The following PPIL3 variants were observed in gnomAD, a reference collection of about 807,000 sequenced individuals.
PPIL3 encodes peptidyl-prolyl cis-trans isomerase-like 3.
In PPIL3, 13 loss-of-function variants were observed where a neutral mutation model predicts 20.9. The ratio of observed to expected loss-of-function variants is 0.62; its 90% CI spans 0.40 to 0.99. PPIL3 has a LOEUF of 0.99. Ranked by LOEUF, PPIL3 falls within the 50% of genes least tolerant of loss-of-function variation. PPIL3 has a pLI of 0.00. For synonymous variants in PPIL3, 71 were observed against 64.4 expected, an observed-to-expected ratio of 1.10 and a Z score of -0.49; for missense variants, 170 against 195.2, an observed-to-expected ratio of 0.87 and a Z score of 0.77.
intron 6 of PPIL3, among the ~76,000 whole-genome samples, chr2:200,873,699 C>G (rs183065473): frequency 8.9e-4 from 135 of 151,422 alleles, no homozygotes; most frequent in Non-Finnish European, 1.6e-3. Context: ...ATCTCTTGAC[C>G]TCGTGATCTG....
At chr2:200,872,621 A>G (rs1275771327) in intron 6 of PPIL3, among the ~76,000 whole-genome samples, 2 of 152,128 alleles carry the variant, frequency 1.3e-5, no homozygotes, top group Non-Finnish European at 2.9e-5. Context: ...AAACTCAGGT[A>G]TGGTTGAATG....
chr2:200,873,763 G>GCTTTTCTTTTTTTCTATCTTTTTTTTT (rs2039402162), intron 6 of PPIL3, among the ~76,000 whole-genome samples: 1 of 151,772 alleles, frequency 6.6e-6, no homozygotes. Context: ...ACTGCACCTG[G>GCTTTTCTTTTTTTCTATCTTTTTTTTT]TCATCTGACT....
chr2:200,874,326 A>G (rs984137732), intron 6 of PPIL3, among the ~76,000 whole-genome samples: 2 of 152,132 alleles, frequency 1.3e-5, no homozygotes, highest in Admixed American at 1.3e-4. Flanking sequence ...TCTTTAAATT[A>G]TAAGTCTTAA....
chr2:200,878,368 T>C (rs1269689455), intron 5 of PPIL3, among the ~76,000 whole-genome samples: 1 of 151,526 alleles, frequency 6.6e-6, no homozygotes, highest in Non-Finnish European at 1.5e-5. Context: ...ACTATTCTAA[T>C]ACCTTTTTTT....
At chr2:200,882,304 A>G (rs2039762859) in intron 4 of PPIL3, 38 bp downstream of exon 4, 2 of 1,299,198 alleles carry the variant, frequency 1.5e-6, no homozygotes, top group East Asian at 2.3e-5. Context: ...CATACTATAC[A>G]TTCAGTTCCT....
chr2:200,873,696 G>C (rs192357080), intron 6 of PPIL3, among the ~76,000 whole-genome samples: 38 of 148,748 alleles, frequency 2.6e-4, no homozygotes, highest in Admixed American at 2.1e-3. Context: ...TTGATCTCTT[G>C]ACCTCGTGAT....
chr2:200,886,575 G>A (rs2039945052), intron 2 of PPIL3, among the ~76,000 whole-genome samples: 1 of 152,052 alleles, frequency 6.6e-6, no homozygotes, highest in South Asian at 2.1e-4. Flanking sequence ...ACTGGGATAT[G>A]CCACAACACC....
At chr2:200,889,146 C>A, upstream of PPIL3, 1 of 426,086 alleles carries the variant, frequency 2.3e-6, no homozygotes. Context: ...TATCTCAAAC[C>A]AAAACGACAA....
Position 200,887,697 on chromosome 2 carries a change from A to G in PPIL3, c.-70-12T>C. ...TCAAAAATAAGTCTCTAGTCCCAAAAGAAAAAAAGAATTAGGCTCATTTTC... is the reference window on the plus strand; with the variant it reads ...TCAAAAATAAGTCTCTAGTCCCAAAGGAAAAAAAGAATTAGGCTCATTTTC... On this transcript the variant is annotated splice_polypyrimidine_tract_variant and intron_variant, in intron 1 of 6. Transcript: ENST00000392283. 8.7e-7 allele frequency: 1 copy of G among 1,155,810 alleles called. No homozygotes were observed. Among genetic ancestry groups the G allele is most frequent in the Admixed American group, 2.2e-5 (1 of 44,568 alleles). 71.6% of individuals were successfully genotyped at this position (1,155,810 alleles called of 1,614,324 possible). A position where few individuals can be genotyped will look rare whatever the true frequency, so the allele number is the denominator to read the frequency against.
chr2:200,879,123 T>C (rs1345318071), intron 5 of PPIL3, among the ~76,000 whole-genome samples: 1 of 151,956 alleles, frequency 6.6e-6, no homozygotes, highest in East Asian at 1.9e-4. Flanking sequence ...AATATAATGG[T>C]TCTTTTTTTT....
At chr2:200,872,057 T>C (rs975630516) in intron 6 of PPIL3, among the ~76,000 whole-genome samples, 7 of 152,134 alleles carry the variant, frequency 4.6e-5, no homozygotes, top group Non-Finnish European at 8.8e-5. Flanking sequence ...GAGACCCCGG[T>C]TAATCCCACA....
At chr2:200,886,428 C>CCTTTTTTTTTTTTTTTTTTTTTTTTT (rs1183623683) in intron 2 of PPIL3, among the ~76,000 whole-genome samples, 1 of 150,824 alleles carries the variant, frequency 6.6e-6, no homozygotes. Flanking sequence ...TTTCATTTCT[C>CCTTTTTTTTTTTTTTTTTTTTTTTTT]CTTTTTTTTT....
chr2:200,888,037 A>T (rs1233954334), intron 1 of PPIL3, among the ~76,000 whole-genome samples: 78 of 143,984 alleles, frequency 5.4e-4, no homozygotes, highest in Middle Eastern at 3.5e-3. Flanking sequence ...AGCCTGGGTG[A>T]CAGCGCGAGA....
intron 6 of PPIL3, among the ~76,000 whole-genome samples, chr2:200,873,439 G>A (rs377371344): frequency 1.5e-4 from 23 of 150,890 alleles, no homozygotes; most frequent in Non-Finnish European, 2.8e-4. Flanking sequence ...ATCTGCCCAC[G>A]TCAGCCTCCC....
intron 1 of PPIL3, 41 bp from the exon 2 acceptor site, chr2:200,887,726 T>C: frequency 2.3e-6 from 2 of 886,766 alleles, no homozygotes; most frequent in South Asian, 3.2e-5. Context: ...CATTTTCCTG[T>C]CTTAACTCAC....
At chr2:200,875,480 A>C (rs138313257) in intron 6 of PPIL3, among the ~76,000 whole-genome samples, 4,850 of 152,050 alleles carry the variant, frequency 0.032, 187 homozygotes, top group African/African-American at 0.093. Context: ...GTTGGCCTGG[A>C]TGGTCTTGAT....
intron 3 of PPIL3, among the ~76,000 whole-genome samples, chr2:200,883,850 C>T (rs2039827752): frequency 6.6e-6 from 1 of 152,130 alleles, no homozygotes; most frequent in Non-Finnish European, 1.5e-5. Context: ...ACAGTCTTGA[C>T]CTCCTAGGCT....
chr2:200,885,145 T>G, intron 3 of PPIL3: 1 of 162,462 alleles, frequency 6.2e-6, no homozygotes, highest in East Asian at 1.7e-4. Context: ...CTGAGGTGCA[T>G]GGATCACCTG....
chr2:200,882,372 C>T lies in PPIL3; in HGVS notation c.142G>A (p.Gly48Ser). Residue 48 changes from glycine (G) to serine (S), a missense_variant, in exon 4 of 7, where the codon GGT becomes AGT. Physicochemically the swap from Gly to Ser is moderately conservative, Grantham distance 56. Transcript: ENST00000392283. ...GGATCTCCTGTTTGAACCATGAAAC[C>T]CTTGATATTCCTATGAAATATACAG... Reference protein sequence around the residue: ...NGCIFHRNIKGFMVQTGDPTG... With the variant: ...NGCIFHRNIKSFMVQTGDPTG... 5 of 1,606,614 alleles carry T rather than the reference C, an allele frequency of 3.1e-6. No individual in the cohort carries two copies. The highest frequency in any genetic ancestry group is 3.4e-6 in the Non-Finnish European group (4 of 1,173,244).
Sources: gnomAD v4.1 joint callset for allele counts (sites outside exome capture counted in the v4.1 genomes callset) on GRCh38, gnomAD v4.1.1 for gene constraint, MANE v1.5 for transcripts, NCBI Gene and HGNC (gene_info 2026-07-23, HGNC 2026-07-21) for gene names.